The following ERCC6L2 variants were observed in gnomAD, a reference collection of about 807,000 sequenced individuals.
ERCC6L2 encodes DNA excision repair protein ERCC-6-like 2.
ERCC6L2 carries 77 observed loss-of-function variants against 132.0 expected under a neutral mutation model. The observed-to-expected ratio is 0.58, with a 90% CI of 0.49 to 0.71. ERCC6L2 has a LOEUF of 0.71. Ranked by LOEUF, ERCC6L2 falls within the 30% of genes least tolerant of loss-of-function variation. The pLI is 0.00. For synonymous variants in ERCC6L2, 583 were observed against 632.4 expected, an observed-to-expected ratio of 0.92 and a Z score of 1.17; for missense variants, 1,542 against 1,837.6, an observed-to-expected ratio of 0.84 and a Z score of 2.94.
At chr9:95,951,829 A>G (rs1316925406) in intron 12 of ERCC6L2, among the ~76,000 whole-genome samples, 3 of 151,794 alleles carry the variant, frequency 2.0e-5, no homozygotes, top group Non-Finnish European at 2.9e-5. Flanking sequence ...AGTAAAGCCC[A>G]GGACCTTAAG....
rs1000370407 is a variant in ERCC6L2, at chr9:96,038,035, G to C, written c.*1504-841G>C. Among the ~76,000 whole-genome samples, 4 of 152,182 alleles carry C rather than the reference G, an allele frequency of 2.6e-5. No individual in the cohort carries two copies. The East Asian group carries it at 7.7e-4, about 29-fold the overall frequency. ...ATTGGCATGCGTGGGTAGGTGGGTG[G>C]TGGTGGGAAGTGGGGAAGAGAGCAG... On this transcript the variant is annotated intron_variant and NMD_transcript_variant, in intron 19 of 20. Transcript: ENST00000670016.
At chr9:96,011,409 G>A (rs1482387040) in intron 18 of ERCC6L2, among the ~76,000 whole-genome samples, 1 of 152,046 alleles carries the variant, frequency 6.6e-6, no homozygotes, top group African/African-American at 2.4e-5. Flanking sequence ...TCCAAATACT[G>A]TTACGTCCTG....
chr9:95,930,304 T>C (rs991565236), intron 11 of ERCC6L2, among the ~76,000 whole-genome samples: 2 of 152,148 alleles, frequency 1.3e-5, no homozygotes, highest in Admixed American at 6.5e-5. Flanking sequence ...GATTCCTATT[T>C]TTCTGTGACA....
rs115084567 is a variant in ERCC6L2, at chr9:95,976,793, T to C, written c.3338-1268T>C. 3.6e-3 allele frequency among the ~76,000 whole-genome samples: 548 copies of C among 152,314 alleles called. 6 individuals carry two copies. Among genetic ancestry groups the C allele is most frequent in the African/African-American group, 0.013 (526 of 41,564 alleles). ...GTATGGTGATTTTAAGAGTTAGCATTGCCTTCACAAGTGTCTGACTTATTC... is the reference window on the plus strand; with the variant it reads ...GTATGGTGATTTTAAGAGTTAGCATCGCCTTCACAAGTGTCTGACTTATTC... On this transcript the variant is annotated intron_variant, in intron 16 of 18. Transcript: ENST00000653738.
rs539801016 is a variant in ERCC6L2, at chr9:95,983,621, A to G, written c.3492+5406A>G. ...TCCTTCTCTGAAAACCATAGTATCA[A>G]TTGGACATGGCCCCCTAATGGAAAC... is the stretch of plus-strand genomic sequence containing the variant. On this transcript the variant is annotated intron_variant, in intron 17 of 18. Coordinates refer to ENST00000653738, the MANE Select transcript of ERCC6L2 (RefSeq NM_020207.7). Among the ~76,000 whole-genome samples, 49 of 152,350 alleles carry G rather than the reference A, an allele frequency of 3.2e-4. 1 individual carries two copies. Among genetic ancestry groups the G allele is most frequent in the Admixed American group, 2.9e-3 (44 of 15,304 alleles).
At chr9:95,982,750 G>A (rs1832942701) in intron 17 of ERCC6L2, among the ~76,000 whole-genome samples, 1 of 151,962 alleles carries the variant, frequency 6.6e-6, no homozygotes, top group Non-Finnish European at 1.5e-5. Flanking sequence ...GTATTGACAC[G>A]AAAAAGGTTT....
chr9:95,910,594 A>G (rs1451638673), intron 4 of ERCC6L2, among the ~76,000 whole-genome samples: 2 of 152,126 alleles, frequency 1.3e-5, no homozygotes, highest in African/African-American at 4.8e-5. Context: ...TCTGTTCTTA[A>G]TATTTGGAGT....
intron 4 of ERCC6L2, among the ~76,000 whole-genome samples, chr9:95,909,877 A>G (rs1335068884): frequency 1.3e-5 from 2 of 152,310 alleles, no homozygotes; most frequent in East Asian, 1.9e-4. Context: ...CATTTTCCAC[A>G]GTGGTTTTAC....
chr9:95,938,826 T>C (rs1253889149), intron 11 of ERCC6L2, among the ~76,000 whole-genome samples: 1 of 152,192 alleles, frequency 6.6e-6, no homozygotes, highest in Non-Finnish European at 1.5e-5. Flanking sequence ...AAGGTAATTA[T>C]TGATATTTTT....
At chr9:95,885,585 T>C (rs1192527621) in intron 2 of ERCC6L2, among the ~76,000 whole-genome samples, 2 of 151,848 alleles carry the variant, frequency 1.3e-5, no homozygotes, top group Non-Finnish European at 2.9e-5. Context: ...TTTTGTACAT[T>C]TACGTGATAA....
intron 3 of ERCC6L2, 44 bp from the exon 4 acceptor site, chr9:95,907,034 T>C (rs1473239200): frequency 7.1e-7 from 1 of 1,417,852 alleles, no homozygotes; most frequent in East Asian, 2.3e-5. Flanking sequence ...GGGATTCTTT[T>C]TCAGTTTTTA....
At chr9:96,031,815 C>T (rs1254302394) in intron 19 of ERCC6L2, among the ~76,000 whole-genome samples, 1 of 152,166 alleles carries the variant, frequency 6.6e-6, no homozygotes, top group African/African-American at 2.4e-5. Context: ...CAGACTTGAC[C>T]CTACCGCCAC....
intron 3 of ERCC6L2, 100 bp downstream of exon 3, chr9:95,898,071 T>G (rs1828561971): frequency 9.4e-7 from 1 of 1,061,424 alleles, no homozygotes; most frequent in African/African-American, 1.7e-5. Flanking sequence ...TTGGTATACA[T>G]TTTAAAACCT....
chr9:96,034,087 A>G (rs1337158837), intron 19 of ERCC6L2, among the ~76,000 whole-genome samples: 1 of 152,216 alleles, frequency 6.6e-6, no homozygotes, highest in African/African-American at 2.4e-5. Flanking sequence ...AGATGCCGCC[A>G]TTCTCCCAGG....
chr9:95,879,687 C>T (rs1398100579), intron 1 of ERCC6L2, among the ~76,000 whole-genome samples: 1 of 152,092 alleles, frequency 6.6e-6, no homozygotes, highest in Non-Finnish European at 1.5e-5. Flanking sequence ...AAAATAACCT[C>T]ATCAAAGTTA....
chr9:95,967,170 C>G (rs1048927925), intron 14 of ERCC6L2: 4 of 152,260 alleles, frequency 2.6e-5, no homozygotes, highest in African/African-American at 9.7e-5. Flanking sequence ...GTATTTTAAA[C>G]TCTCCCTGTT....
intron 18 of ERCC6L2, 87 bp from the exon 19 acceptor site, chr9:96,012,138 A>G (rs1186479107): frequency 5.7e-6 from 5 of 872,800 alleles, no homozygotes; most frequent in Admixed American, 3.9e-5. Context: ...CCTTCTGTGG[A>G]CTCTACATTT....
intron 2 of ERCC6L2, among the ~76,000 whole-genome samples, chr9:95,892,115 AT>A (rs1362741368): frequency 6.6e-6 from 1 of 152,188 alleles, no homozygotes; most frequent in Non-Finnish European, 1.5e-5. Context: ...AATTTAAAAA[AT>A]AGGACTATTA....
chr9:95,985,807 T>C (rs1460187109), intron 17 of ERCC6L2, among the ~76,000 whole-genome samples: 1 of 152,176 alleles, frequency 6.6e-6, no homozygotes, highest in South Asian at 2.1e-4. Context: ...TATGTACCAA[T>C]AATCTTGGTA....
Sources: allele counts gnomAD v4.1 joint callset (sites outside exome capture counted in the v4.1 genomes callset), GRCh38; gene constraint gnomAD v4.1.1; transcripts MANE v1.5; gene names NCBI Gene and HGNC (gene_info 2026-07-23, HGNC 2026-07-21).